Variants in RALGAPA1 observed in about 807,000 individuals in gnomAD.
The protein encoded by RALGAPA1 is Ral GTPase activating protein catalytic subunit alpha 1.
RALGAPA1 carries 52 observed loss-of-function variants against 269.6 expected under a neutral mutation model. That is an observed-to-expected ratio of 0.19 (90% CI 0.15 to 0.24). The LOEUF is 0.24. Among genes scored for constraint, RALGAPA1 ranks in the 10% least tolerant of loss-of-function variants. RALGAPA1 has a pLI of 1.00. For synonymous variants in RALGAPA1, 817 were observed against 1,008.3 expected (o/e 0.81, Z 3.60); for missense variants, 1,917 against 3,013.9 (o/e 0.64, Z 8.52).
chr14:35,741,849 A>C (rs2071583072), intron 11 of RALGAPA1, among the ~76,000 whole-genome samples: 1 of 152,176 alleles, frequency 6.6e-6, no homozygotes, highest in South Asian at 2.1e-4. Context: ...TGCTGTGAGT[A>C]AACTCTAGTC....
intron 36 of RALGAPA1, among the ~76,000 whole-genome samples, chr14:35,600,961 T>G (rs1386657298): frequency 6.6e-6 from 1 of 152,218 alleles, no homozygotes; most frequent in Admixed American, 6.5e-5. Flanking sequence ...GACTCTGCTG[T>G]ATGCGGGAAA....
intron 12 of RALGAPA1, 90 bp downstream of exon 12, chr14:35,738,418 TTATTA>T (rs2071238900): frequency 1.2e-6 from 1 of 861,890 alleles, no homozygotes; most frequent in Non-Finnish European, 1.6e-6. Flanking sequence ...GGTGGTGAAT[TTATTA>T]TATTGTGAAA....
At chr14:35,667,522 C>T (rs1279062673) in intron 26 of RALGAPA1, among the ~76,000 whole-genome samples, 1 of 152,168 alleles carries the variant, frequency 6.6e-6, no homozygotes. Flanking sequence ...AATGATTTTG[C>T]CACTTACTTG....
intron 36 of RALGAPA1, among the ~76,000 whole-genome samples, chr14:35,599,616 C>T (rs551841872): frequency 1.4e-4 from 22 of 152,088 alleles, no homozygotes; most frequent in African/African-American, 4.3e-4. Flanking sequence ...GGTGTGGTGG[C>T]GCATGACTGT....
intron 12 of RALGAPA1, among the ~76,000 whole-genome samples, chr14:35,730,312 G>A (rs2070357473): frequency 6.6e-6 from 1 of 152,134 alleles, no homozygotes; most frequent in African/African-American, 2.4e-5. Flanking sequence ...AGAGGCGTGT[G>A]GAAAATGCCA....
intron 36 of RALGAPA1, among the ~76,000 whole-genome samples, chr14:35,599,714 T>G (rs2059156609): frequency 6.6e-6 from 1 of 152,146 alleles, no homozygotes; most frequent in Non-Finnish European, 1.5e-5. Flanking sequence ...ATCATGCCAC[T>G]GCACTCCAGC....
chr14:35,748,371 T>A, intron 10 of RALGAPA1: 1 of 355,438 alleles, frequency 2.8e-6, no homozygotes, highest in Non-Finnish European at 4.7e-6. Context: ...AATTTCTCTC[T>A]CTCGCTCTTT....
chr14:35,737,757 CTCAAAAAAAAA>C (rs2071142944), intron 12 of RALGAPA1, among the ~76,000 whole-genome samples: 2 of 18,590 alleles, frequency 1.1e-4, no homozygotes, highest in Non-Finnish European at 7.5e-5. Flanking sequence ...GAAAATCCAT[CTCAAAAAAAAA>C]AAAAAAAAAA....
intron 35 of RALGAPA1, among the ~76,000 whole-genome samples, chr14:35,622,101 C>G (rs1286179336): frequency 6.6e-6 from 1 of 152,180 alleles, no homozygotes; most frequent in Non-Finnish European, 1.5e-5. Flanking sequence ...ATAGCAAAGA[C>G]TTGGAACCAA....
intron 16 of RALGAPA1, among the ~76,000 whole-genome samples, chr14:35,706,338 T>G (rs753364689): frequency 6.6e-6 from 1 of 152,198 alleles, no homozygotes; most frequent in Non-Finnish European, 1.5e-5. Flanking sequence ...GATTCATCTT[T>G]TTTTGGCATG....
chr14:35,693,248 C>A (rs866051990), intron 17 of RALGAPA1, among the ~76,000 whole-genome samples: 7 of 151,368 alleles, frequency 4.6e-5, no homozygotes, highest in Non-Finnish European at 8.9e-5. Flanking sequence ...TTTAAAAAAA[C>A]CACAGAGCAG....
At chr14:35,576,140 G>A (rs955071684) in intron 37 of RALGAPA1, among the ~76,000 whole-genome samples, 1 of 152,002 alleles carries the variant, frequency 6.6e-6, no homozygotes, top group African/African-American at 2.4e-5. Context: ...TATTGTCTCA[G>A]TTTACTAATA....
intron 37 of RALGAPA1, among the ~76,000 whole-genome samples, chr14:35,587,064 A>G (rs1160431549): frequency 2.6e-5 from 4 of 152,220 alleles, no homozygotes; most frequent in African/African-American, 9.6e-5. Flanking sequence ...TACCTCTGGT[A>G]GAATTCGGCT....
At chr14:35,714,877 A>G (rs2068675547) in intron 16 of RALGAPA1, among the ~76,000 whole-genome samples, 1 of 152,180 alleles carries the variant, frequency 6.6e-6, no homozygotes, top group Non-Finnish European at 1.5e-5. Context: ...CTATAATGAT[A>G]GTTATTTTTC....
At position 35,678,683 on chromosome 14, in the gene RALGAPA1, T is replaced by C. The variant is rs75602792; in HGVS notation, c.4472-581A>G. On this transcript the variant is annotated intron_variant, in intron 21 of 41. Coordinates refer to ENST00000680220, the MANE Select transcript of RALGAPA1 (RefSeq NM_001346249.2). ...AAGCCCTAACTTCCTAGTATGGTTC[T>C]CAAGTCTCTCTATAACTTTCTTGCC... is the stretch of plus-strand genomic sequence containing the variant. 8.0e-4 allele frequency among the ~76,000 whole-genome samples: 122 copies of C among 152,306 alleles called. 1 individual carries two copies. The East Asian group carries it at 0.02, about 25-fold the overall frequency.
intron 16 of RALGAPA1, among the ~76,000 whole-genome samples, chr14:35,713,362 A>G (rs1311316612): frequency 6.6e-6 from 1 of 152,214 alleles, no homozygotes; most frequent in African/African-American, 2.4e-5. Flanking sequence ...CCAGACTTCT[A>G]GCTTGAGCAA....
chr14:35,675,385 C>T (rs2064852009), intron 22 of RALGAPA1, among the ~76,000 whole-genome samples: 1 of 152,172 alleles, frequency 6.6e-6, no homozygotes, highest in Admixed American at 6.5e-5. Flanking sequence ...ACTATGTTGG[C>T]CAGACTGGTC....
At chr14:35,633,433 A>G (rs970109777) in intron 33 of RALGAPA1, among the ~76,000 whole-genome samples, 2 of 152,124 alleles carry the variant, frequency 1.3e-5, no homozygotes, top group Non-Finnish European at 2.9e-5. Context: ...TCAATAGTGT[A>G]TTTATGTTCT....
intron 35 of RALGAPA1, among the ~76,000 whole-genome samples, chr14:35,608,267 GA>G (rs1308321382): frequency 2.0e-5 from 3 of 151,966 alleles, no homozygotes; most frequent in Admixed American, 1.3e-4. Context: ...ATGGTAAGGG[GA>G]AAAAAATCAT....
Sources: allele counts gnomAD v4.1 joint callset (sites outside exome capture counted in the v4.1 genomes callset), GRCh38; gene constraint gnomAD v4.1.1; transcripts MANE v1.5; gene names NCBI Gene and HGNC (gene_info 2026-07-23, HGNC 2026-07-21).